The following LRP1B variants were observed in gnomAD, a reference collection of about 807,000 sequenced individuals.
The protein encoded by LRP1B is LDL receptor related protein 1B.
LRP1B carries 217 observed loss-of-function variants against 556.6 expected under a neutral mutation model. The ratio of observed to expected loss-of-function variants is 0.39; its 90% CI spans 0.35 to 0.44. The LOEUF (loss-of-function observed/expected upper bound fraction) is 0.44, where lower values mean the gene tolerates loss of function less well. Ranked by LOEUF, LRP1B falls within the 20% of genes least tolerant of loss-of-function variation. LRP1B has a pLI of 1.00. For synonymous variants in LRP1B, 2,047 were observed against 1,865.8 expected (o/e 1.10, Z -2.50); for missense variants, 5,053 against 5,620.8 (o/e 0.90, Z 3.23).
At position 141,342,259 on chromosome 2, in the gene LRP1B, A is replaced by T. The variant is rs1369255770; in HGVS notation, c.344-87618T>A. Among the ~76,000 whole-genome samples the T allele has an allele frequency of 5.1e-3, 580 of 114,660 alleles. 8 individuals carry two copies. Among genetic ancestry groups the T allele is most frequent in the African/African-American group, 0.019 (513 of 27,416 alleles). 75.2% of individuals were successfully genotyped at this position (114,660 alleles called of 152,430 possible). On this transcript the variant is annotated intron_variant, in intron 3 of 90. Coordinates refer to ENST00000389484, the MANE Select transcript of LRP1B (RefSeq NM_018557.3). ...ACTCCATCTCAAAAAAAAAAAAAAT[A>T]AAATAAATAAAAATAAAATAAATAA...
intron 46 of LRP1B, 88 bp downstream of exon 46, chr2:140,536,493 C>A (rs537641116): frequency 7.8e-7 from 1 of 1,289,716 alleles, no homozygotes; most frequent in Non-Finnish European, 1.1e-6. Context: ...AAATTATCCA[C>A]GTAAACCACA....
At chr2:141,450,052 T>C (rs929264756) in intron 3 of LRP1B, among the ~76,000 whole-genome samples, 7 of 152,060 alleles carry the variant, frequency 4.6e-5, no homozygotes, top group African/African-American at 1.7e-4. Context: ...TGCAAATGCA[T>C]TTATTATTTT....
At chr2:141,145,771 G>C (rs1701767015) in intron 7 of LRP1B, among the ~76,000 whole-genome samples, 1 of 151,868 alleles carries the variant, frequency 6.6e-6, no homozygotes. Flanking sequence ...GACCTCGGGT[G>C]ATCCGCACAC....
At chr2:141,555,633 A>G (rs980679232) in intron 2 of LRP1B, among the ~76,000 whole-genome samples, 2 of 151,964 alleles carry the variant, frequency 1.3e-5, no homozygotes, top group African/African-American at 4.8e-5. Context: ...GCTCGTCATT[A>G]TCTGAATTAT....
At chr2:141,716,450 G>C (rs896231404) in intron 2 of LRP1B, among the ~76,000 whole-genome samples, 1 of 152,114 alleles carries the variant, frequency 6.6e-6, no homozygotes, top group Non-Finnish European at 1.5e-5. Flanking sequence ...TCAGAGGAAT[G>C]ACTCTTTTTT....
At chr2:140,537,677 A>G (rs973403433) in intron 45 of LRP1B, among the ~76,000 whole-genome samples, 3 of 151,672 alleles carry the variant, frequency 2.0e-5, no homozygotes, top group Non-Finnish European at 1.5e-5. Flanking sequence ...ACTCCAGATG[A>G]CCGCTGTCAG....
At chr2:140,867,972 C>CAA in intron 26 of LRP1B, 127 bp downstream of exon 26, 5 of 1,116,578 alleles carry the variant, frequency 4.5e-6, no homozygotes, top group South Asian at 2.1e-5. Context: ...TTGGGGCAAG[C>CAA]AAAAAAAAAA....
chr2:141,686,465 ATATTAT>A (rs540466507), intron 2 of LRP1B, among the ~76,000 whole-genome samples: 2 of 152,114 alleles, frequency 1.3e-5, no homozygotes, highest in East Asian at 3.9e-4. Context: ...TACAGTACAT[ATATTAT>A]TATAATTGTT....
At chr2:141,282,047 A>T (rs1360298660) in intron 3 of LRP1B, among the ~76,000 whole-genome samples, 2 of 151,950 alleles carry the variant, frequency 1.3e-5, no homozygotes, top group Non-Finnish European at 2.9e-5. Flanking sequence ...TGTAGGATTT[A>T]TTTTTCTAAA....
intron 37 of LRP1B, among the ~76,000 whole-genome samples, chr2:140,713,349 T>C (rs1216820065): frequency 1.3e-5 from 2 of 151,638 alleles, no homozygotes; most frequent in Non-Finnish European, 2.9e-5. Flanking sequence ...CATTTACTGC[T>C]ATTTTCTCTT....
chr2:140,463,731 T>C (rs142549323), intron 60 of LRP1B, among the ~76,000 whole-genome samples: 2 of 152,324 alleles, frequency 1.3e-5, no homozygotes, highest in East Asian at 3.9e-4. Context: ...CCTTTTAGTA[T>C]AGGTCACAGT....
intron 31 of LRP1B, among the ~76,000 whole-genome samples, chr2:140,819,553 A>C (rs1259016811): frequency 6.6e-6 from 1 of 152,210 alleles, no homozygotes; most frequent in Non-Finnish European, 1.5e-5. Flanking sequence ...AAAACAGAGA[A>C]GAAAACTTCA....
intron 3 of LRP1B, among the ~76,000 whole-genome samples, chr2:141,369,412 T>C (rs1268563647): frequency 1.3e-5 from 2 of 152,100 alleles, no homozygotes; most frequent in African/African-American, 2.4e-5. Context: ...ATTCATTTTG[T>C]CAGTTTCAGA....
chr2:140,573,858 T>A (rs16844263), intron 43 of LRP1B, among the ~76,000 whole-genome samples: 1 of 151,952 alleles, frequency 6.6e-6, no homozygotes, highest in Non-Finnish European at 1.5e-5. Context: ...GGCCCGGCAA[T>A]TCTCACACTT....
chr2:140,494,741 C>T (rs1326415476), intron 56 of LRP1B, among the ~76,000 whole-genome samples: 3 of 149,472 alleles, frequency 2.0e-5, no homozygotes, highest in Non-Finnish European at 4.4e-5. Context: ...AGTTTTAACC[C>T]ATTAAAAAAA....
At chr2:140,594,708 A>C (rs867458413) in intron 43 of LRP1B, among the ~76,000 whole-genome samples, 1 of 152,192 alleles carries the variant, frequency 6.6e-6, no homozygotes, top group Middle Eastern at 3.4e-3. Flanking sequence ...TGATTTCCCT[A>C]CTCTTGAGAT....
chr2:141,167,140 C>T (rs1680302934), intron 7 of LRP1B: 1 of 151,764 alleles, frequency 6.6e-6, no homozygotes, highest in African/African-American at 2.4e-5. Context: ...ATACAAAAAG[C>T]TCCCATAAAC....
intron 3 of LRP1B, among the ~76,000 whole-genome samples, chr2:141,355,166 GA>G (rs985645126): frequency 4.0e-5 from 6 of 151,766 alleles, no homozygotes; most frequent in Non-Finnish European, 2.9e-5. Flanking sequence ...GAATTGAACA[GA>G]AAAAAAATCA....
chr2:141,161,911 G>C (rs1407949033), intron 7 of LRP1B, among the ~76,000 whole-genome samples: 1 of 152,058 alleles, frequency 6.6e-6, no homozygotes, highest in African/African-American at 2.4e-5. Context: ...GCTGGGAGCT[G>C]TATGCTTCGA....
Sources: allele counts gnomAD v4.1 joint callset (sites outside exome capture counted in the v4.1 genomes callset), GRCh38; gene constraint gnomAD v4.1.1; transcripts MANE v1.5; gene names NCBI Gene and HGNC (gene_info 2026-07-23, HGNC 2026-07-21).